Variants in KIRREL3 observed in about 807,000 individuals in gnomAD.
The protein encoded by KIRREL3 is kin of IRRE-like protein 3.
A neutral mutation model predicts 89.7 loss-of-function variants in KIRREL3; 36 were observed. That is an observed-to-expected ratio of 0.40 (90% confidence interval 0.31 to 0.53). The LOEUF is 0.53. Among genes scored for constraint, KIRREL3 ranks in the 20% least tolerant of loss-of-function variants. The pLI, the probability that KIRREL3 is intolerant of heterozygous loss-of-function variation, is 0.49. For synonymous variants in KIRREL3, 445 were observed against 441.4 expected, an observed-to-expected ratio of 1.01 and a Z score of -0.10; for missense variants, 864 against 1,056.6, an observed-to-expected ratio of 0.82 and a Z score of 2.53.
Position 126,454,468 on chromosome 11 carries a change from TA to T in KIRREL3, c.848+1880del, listed in dbSNP as rs1480124088. ...TTCTAAGGGTGGCTGTGAGGGTGAA[TA>T]GGGGTGCTTGCCGGGTGGTCTGTGG... On this transcript the variant is annotated intron_variant, in intron 7 of 16. Transcript: ENST00000525144. This position sits in a 1 kb window ranked among gnomAD's most constrained non-coding sequence, Gnocchi z 5.8. 1.3e-5 allele frequency among the ~76,000 whole-genome samples: 2 copies of T among 151,984 alleles called. No homozygotes were observed. The highest frequency in any genetic ancestry group is 4.8e-5 in the African/African-American group (2 of 41,376).
chr11:127,000,306 G>A lies in KIRREL3; in HGVS notation c.55+149C>T, dbSNP rs1591451228. 1.7e-6 allele frequency: 1 copy of A among 602,386 alleles called. No individual in the cohort carries two copies. The highest frequency in any genetic ancestry group is 2.9e-6 in the Non-Finnish European group (1 of 347,460). 37.3% of individuals were successfully genotyped at this position (602,386 alleles called of 1,614,324 possible). A position where few individuals can be genotyped will look rare whatever the true frequency, so the allele number is the denominator to read the frequency against. The stretch of plus-strand genomic sequence containing the variant: ...ATTTTGTTGCATTCGCAAAGGCGAA[G>A]AGGCAATGCCAGAGCATCTCAGCCC... On this transcript the variant is annotated intron_variant, in intron 1 of 16. Coordinates refer to ENST00000525144, the MANE Select transcript of KIRREL3 (RefSeq NM_032531.4). The surrounding 1 kb of genome is among the most constrained non-coding windows in gnomAD (Gnocchi z 7.1).
intron 1 of KIRREL3, among the ~76,000 whole-genome samples, chr11:126,590,121 C>G (rs116454193): frequency 6.6e-6 from 1 of 152,204 alleles, no homozygotes; most frequent in Non-Finnish European, 1.5e-5. Context: ...GGCTGCATAC[C>G]TAACCATTAT....
chr11:126,833,613 A>G (rs1943682821), intron 1 of KIRREL3, among the ~76,000 whole-genome samples: 1 of 152,224 alleles, frequency 6.6e-6, no homozygotes, highest in Non-Finnish European at 1.5e-5. Context: ...TTTCTTTATG[A>G]AGACAGTTGG....
At chr11:126,617,328 C>T (rs1388684179) in intron 1 of KIRREL3, among the ~76,000 whole-genome samples, 1 of 152,116 alleles carries the variant, frequency 6.6e-6, no homozygotes, top group Non-Finnish European at 1.5e-5. Flanking sequence ...CTCTGAGGGG[C>T]AGGAGGAGAG....
Position 126,627,182 on chromosome 11 carries a change from G to A in KIRREL3, c.56-64270C>T, listed in dbSNP as rs143368745. ...TTCAATATAAGCATAAGGAGGTGGA[G>A]GTGAGAGAATTTCAGACTGAGGAAC... On this transcript the variant is annotated intron_variant, in intron 1 of 16. Coordinates refer to ENST00000525144, the MANE Select transcript of KIRREL3 (RefSeq NM_032531.4). This position sits in a 1 kb window ranked among gnomAD's most constrained non-coding sequence, Gnocchi z 5.0. Among the ~76,000 whole-genome samples, 79 of 152,284 alleles carry A rather than the reference G, an allele frequency of 5.2e-4. 2 individuals are homozygous for A. Among genetic ancestry groups the A allele is most frequent in the African/African-American group, 1.9e-3 (79 of 41,566 alleles).
chr11:126,908,860 C>T lies in KIRREL3; in HGVS notation c.55+91595G>A, dbSNP rs943982356. 6.6e-6 allele frequency among the ~76,000 whole-genome samples: 1 copy of T among 152,168 alleles called. No individual in the cohort carries two copies. Among genetic ancestry groups the T allele is most frequent in the African/African-American group, 2.4e-5 (1 of 41,434 alleles). On this transcript the variant is annotated intron_variant, in intron 1 of 16. Coordinates refer to ENST00000525144, the MANE Select transcript of KIRREL3 (RefSeq NM_032531.4). This position sits in a 1 kb window ranked among gnomAD's most constrained non-coding sequence, Gnocchi z 4.2. ...CCTGGATCCTCTTGGGTATCACAATCTGCGGACGCTCGAGTCTCTGATATA... is the reference window on the plus strand; with the variant it reads ...CCTGGATCCTCTTGGGTATCACAATTTGCGGACGCTCGAGTCTCTGATATA...
intron 1 of KIRREL3, among the ~76,000 whole-genome samples, chr11:126,646,261 C>A (rs979981215): frequency 6.6e-6 from 1 of 152,038 alleles, no homozygotes; most frequent in East Asian, 1.9e-4. Flanking sequence ...TAAAACACAT[C>A]TTTGTTCTTA....
chr11:126,533,572 G>T (rs75246738), intron 2 of KIRREL3, among the ~76,000 whole-genome samples: 1 of 152,142 alleles, frequency 6.6e-6, no homozygotes, highest in Non-Finnish European at 1.5e-5. Context: ...GAAGGTGAGC[G>T]CAGACCTGCA....
In KIRREL3 at chr11:126,656,518, G is replaced by C. The variant is rs1430322899; in HGVS notation, c.56-93606C>G. 6.6e-6 allele frequency among the ~76,000 whole-genome samples: 1 copy of C among 152,264 alleles called. No homozygotes were observed. Among genetic ancestry groups the C allele is most frequent in the South Asian group, 2.1e-4 (1 of 4,824 alleles). On this transcript the variant is annotated intron_variant, in intron 1 of 16. Transcript: ENST00000525144. The surrounding 1 kb of genome is among the most constrained non-coding windows in gnomAD (Gnocchi z 4.0). ...CTCAACATACAAAATTGGCATAAGT[G>C]GGGGATAAGGCAGCAGGTGACAGTG...
intron 1 of KIRREL3, among the ~76,000 whole-genome samples, chr11:126,925,647 ATGAC>A (rs1857103010): frequency 6.6e-6 from 1 of 152,142 alleles, no homozygotes; most frequent in Admixed American, 6.5e-5. Flanking sequence ...CACTGGGTCT[ATGAC>A]TGCCAGCATC....
intron 1 of KIRREL3, among the ~76,000 whole-genome samples, chr11:126,865,298 A>T (rs7947480): frequency 0.81 from 123,665 of 152,302 alleles, 50,376 homozygotes; most frequent in East Asian, 1. Context: ...CTCCCTGCAG[A>T]CTAAGAAGGC....
In KIRREL3 at chr11:126,601,283, A is replaced by C. The variant is rs1942643568; in HGVS notation, c.56-38371T>G. On this transcript the variant is annotated intron_variant, in intron 1 of 16. Transcript: ENST00000525144. The surrounding 1 kb of genome is among the most constrained non-coding windows in gnomAD (Gnocchi z 5.8). ...AAACCCTCCAGAACAAGGATCAGAA[A>C]ACAACTGGCAGAGAGACTGAGCGGC... Among the ~76,000 whole-genome samples, 1 of 152,194 alleles carries C rather than the reference A, an allele frequency of 6.6e-6. No homozygotes were observed. The highest frequency in any genetic ancestry group is 1.5e-5 in the Non-Finnish European group (1 of 68,038).
chr11:126,718,403 A>G (rs1163496106), intron 1 of KIRREL3, among the ~76,000 whole-genome samples: 1 of 152,246 alleles, frequency 6.6e-6, no homozygotes, highest in African/African-American at 2.4e-5. Flanking sequence ...CCATAGAAAG[A>G]TGACTCACCA....
At chr11:126,437,478 T>C (rs1049801562) in intron 11 of KIRREL3, among the ~76,000 whole-genome samples, 2 of 151,980 alleles carry the variant, frequency 1.3e-5, no homozygotes, top group African/African-American at 4.8e-5. Context: ...CAAACATGCA[T>C]ATGCAAGTAC....
intron 1 of KIRREL3, among the ~76,000 whole-genome samples, chr11:126,871,745 C>T (rs966641776): frequency 1.3e-5 from 2 of 152,282 alleles, no homozygotes; most frequent in South Asian, 2.1e-4. Context: ...TTTCTTGGGT[C>T]AGGAGCAGGG....
At chr11:126,449,704 A>G (rs753391673) in intron 7 of KIRREL3, among the ~76,000 whole-genome samples, 2 of 152,246 alleles carry the variant, frequency 1.3e-5, no homozygotes, top group African/African-American at 2.4e-5. Flanking sequence ...TCTCCCGTCC[A>G]AACAGTGGAA....
intron 1 of KIRREL3, chr11:126,937,273 G>T (rs1418915393): frequency 3.3e-5 from 5 of 152,212 alleles, no homozygotes; most frequent in Non-Finnish European, 7.3e-5. Flanking sequence ...TGGGTTAAAA[G>T]GCCTAAGCAA....
Position 126,431,305 on chromosome 11 carries a change from A to G in KIRREL3, c.1696+114T>C, listed in dbSNP as rs1281207819. 1.3e-6 allele frequency: 2 copies of G among 1,553,228 alleles called. No homozygotes were observed. Among genetic ancestry groups the G allele is most frequent in the Admixed American group, 3.9e-5 (2 of 51,084 alleles). On this transcript the variant is annotated intron_variant, in intron 14 of 16. Coordinates refer to ENST00000525144, the MANE Select transcript of KIRREL3 (RefSeq NM_032531.4). This position sits in a 1 kb window ranked among gnomAD's most constrained non-coding sequence, Gnocchi z 7.1. The stretch of plus-strand genomic sequence containing the variant: ...CCCACTCCCTGCCCCAGGAGCTCAC[A>G]GCACTGTTAGGACCCCTGTTCATTG...
rs1408484001 is a variant in KIRREL3, at chr11:126,987,511, C to A, written c.55+12944G>T. 6.6e-6 allele frequency among the ~76,000 whole-genome samples: 1 copy of A among 152,150 alleles called. No homozygotes were observed. The highest frequency in any genetic ancestry group is 1.5e-5 in the Non-Finnish European group (1 of 68,038). ...CTTGATTCTGACCAGTTCCAGTATTCAGCTGTTTTCACCTGTAAAGTATGG... is the reference window on the plus strand; with the variant it reads ...CTTGATTCTGACCAGTTCCAGTATTAAGCTGTTTTCACCTGTAAAGTATGG... On this transcript the variant is annotated intron_variant, in intron 1 of 16. Transcript: ENST00000525144. This position sits in a 1 kb window ranked among gnomAD's most constrained non-coding sequence, Gnocchi z 4.6.
Sources: allele counts gnomAD v4.1 joint callset (sites outside exome capture counted in the v4.1 genomes callset), GRCh38; gene constraint gnomAD v4.1.1; non-coding constraint Gnocchi (gnomAD v3.1); transcripts MANE v1.5; gene names NCBI Gene and HGNC (gene_info 2026-07-23, HGNC 2026-07-21).